YWHAQ: variants seen among roughly 807,000 people sequenced by gnomAD.
YWHAQ encodes tyrosine 3-monooxygenase/tryptophan 5-monooxygenase activation protein theta, also known as 14-3-3 protein theta.
Under a neutral mutation model 28.3 loss-of-function variants are expected in YWHAQ, and 6 were observed. The ratio of observed to expected loss-of-function variants is 0.21; its 90% CI spans 0.12 to 0.42. YWHAQ has a LOEUF of 0.42. Among genes scored for constraint, YWHAQ ranks in the 10% least tolerant of loss-of-function variants. YWHAQ has a pLI of 1.00. For missense variants in YWHAQ, 201 were observed against 305.6 expected (o/e 0.66, Z 2.55); for synonymous variants, 143 against 119.1 (o/e 1.20, Z -1.31).
intron 3 of YWHAQ, among the ~76,000 whole-genome samples, chr2:9,589,041 G>A (rs773322789): frequency 2.6e-5 from 4 of 151,926 alleles, no homozygotes; most frequent in Non-Finnish European, 5.9e-5. Flanking sequence ...AGGACCCCTT[G>A]AGCCCAGGAG....
chr2:9,616,169 T>C (rs115913656), intron 2 of YWHAQ, among the ~76,000 whole-genome samples: 414 of 152,218 alleles, frequency 2.7e-3, no homozygotes, highest in Admixed American at 6.5e-3. Context: ...CCCAATTAGA[T>C]CTGATTATAT....
chr2:9,619,046 T>C (rs1002249513), intron 2 of YWHAQ, among the ~76,000 whole-genome samples: 7 of 152,212 alleles, frequency 4.6e-5, no homozygotes, highest in Non-Finnish European at 8.8e-5. Context: ...ACTAATAATC[T>C]TAGTAGGTCC....
intron 2 of YWHAQ, among the ~76,000 whole-genome samples, chr2:9,618,178 G>C (rs1667071964): frequency 6.6e-6 from 1 of 152,138 alleles, no homozygotes; most frequent in Non-Finnish European, 1.5e-5. Flanking sequence ...AATTAATAAT[G>C]ATGGCTGCAC....
chr2:9,602,862 A>AAAAAATATATATATATATAT (rs1666739720), intron 2 of YWHAQ, among the ~76,000 whole-genome samples: 1 of 20,872 alleles, frequency 4.8e-5, no homozygotes, highest in African/African-American at 2.1e-4. Flanking sequence ...AAAAAAAAAA[A>AAAAAATATATATATATATAT]ATATATATAT....
intron 2 of YWHAQ, among the ~76,000 whole-genome samples, chr2:9,613,698 T>C (rs1009123821): frequency 6.6e-6 from 1 of 152,208 alleles, no homozygotes; most frequent in Non-Finnish European, 1.5e-5. Context: ...CAAAATTACA[T>C]ACAGTAATAT....
intron 2 of YWHAQ, among the ~76,000 whole-genome samples, chr2:9,599,102 A>G (rs1666636205): frequency 1.3e-5 from 2 of 152,238 alleles, no homozygotes; most frequent in African/African-American, 4.8e-5. Flanking sequence ...TCTGAATAGA[A>G]GCTGAGGCCA....
rs181514065 is a variant in YWHAQ at position 9,604,798 on chromosome 2, C to G, written c.295-13283G>C. On this transcript the variant is annotated intron_variant, in intron 2 of 5. Transcript: ENST00000238081. ...GCGATGGTTATAATAAAAAAAAATT[C>G]TCCAGTTTTAAGAATCTACAGTAAT... Among the ~76,000 whole-genome samples the G allele has an allele frequency of 1.5e-3, 225 of 152,274 alleles. 1 individual carries two copies. The highest frequency in any genetic ancestry group is 5.2e-3 in the African/African-American group (218 of 41,558).
At chr2:9,616,791 G>C (rs1667049439) in intron 2 of YWHAQ, among the ~76,000 whole-genome samples, 1 of 152,178 alleles carries the variant, frequency 6.6e-6, no homozygotes, top group Middle Eastern at 3.2e-3. Context: ...AGCCACTTCG[G>C]AAAACAATCT....
chr2:9,613,892 G>A (rs1421864368), intron 2 of YWHAQ, among the ~76,000 whole-genome samples: 1 of 152,194 alleles, frequency 6.6e-6, no homozygotes, highest in Non-Finnish European at 1.5e-5. Context: ...GACTGCAGTG[G>A]TGAAGATACC....
chr2:9,593,898 T>TATAAA (rs1553372565), intron 2 of YWHAQ, among the ~76,000 whole-genome samples: 318 of 121,486 alleles, frequency 2.6e-3, no homozygotes, highest in African/African-American at 9.6e-3. Context: ...TTAAATAGAT[T>TATAAA]AAAAAAAATA....
At chr2:9,608,548 G>A (rs1256630144) in intron 2 of YWHAQ, among the ~76,000 whole-genome samples, 2 of 152,168 alleles carry the variant, frequency 1.3e-5, no homozygotes, top group African/African-American at 4.8e-5. Flanking sequence ...AAATGGGCTG[G>A]AGCACAGTGT....
At chr2:9,601,857 A>C (rs1250765999) in intron 2 of YWHAQ, among the ~76,000 whole-genome samples, 1 of 152,138 alleles carries the variant, frequency 6.6e-6, no homozygotes, top group East Asian at 1.9e-4. Context: ...TGTGTTGGCC[A>C]GGGTGGTCTC....
chr2:9,605,778 G>T (rs1233968857), intron 2 of YWHAQ, among the ~76,000 whole-genome samples: 3 of 149,402 alleles, frequency 2.0e-5, no homozygotes, highest in African/African-American at 7.3e-5. Flanking sequence ...GGCCAGGCTG[G>T]TCTCCAACTC....
At chr2:9,622,014 C>T (rs1215666506) in intron 2 of YWHAQ, among the ~76,000 whole-genome samples, 1 of 152,028 alleles carries the variant, frequency 6.6e-6, no homozygotes, top group Non-Finnish European at 1.5e-5. Context: ...AGGAGGGGAA[C>T]ATCACACAGC....
rs746680124 is a variant in YWHAQ at position 9,587,383 on chromosome 2, G to T, written c.678+31C>A. The T allele has an allele frequency of 1.9e-6, 3 of 1,567,436 alleles. No individual in the cohort carries two copies. In the African/African-American group the frequency reaches 4.1e-5, roughly 22 times the overall value. The stretch of plus-strand genomic sequence containing the variant: ...ATATAAATACTTTTGTTTCTGAAAA[G>T]AAAATAAAATTAAAAGAGTAAACAA... On this transcript the variant is annotated intron_variant, in intron 5 of 5. Transcript: ENST00000238081.
chr2:9,610,659 C>T (rs950548182), intron 2 of YWHAQ, among the ~76,000 whole-genome samples: 1 of 152,106 alleles, frequency 6.6e-6, no homozygotes, highest in African/African-American at 2.4e-5. Flanking sequence ...CAGGCATGCG[C>T]CACCATGCCC....
At chr2:9,622,330 C>T (rs1235132649) in intron 2 of YWHAQ, among the ~76,000 whole-genome samples, 4 of 152,122 alleles carry the variant, frequency 2.6e-5, no homozygotes, top group Non-Finnish European at 5.9e-5. Context: ...GAATCACATA[C>T]ACTATGTACT....
intron 2 of YWHAQ, among the ~76,000 whole-genome samples, chr2:9,620,869 A>G (rs1667128559): frequency 6.6e-6 from 1 of 152,164 alleles, no homozygotes; most frequent in Admixed American, 6.5e-5. Context: ...AAACTGCTCA[A>G]TCACCCAAAC....
At chr2:9,588,403 A>G (rs1466450233) in intron 3 of YWHAQ, 75 bp from the exon 4 acceptor site, 1 of 1,503,576 alleles carries the variant, frequency 6.7e-7, no homozygotes, top group Non-Finnish European at 8.9e-7. Context: ...CAACTTGAAC[A>G]TATGCTACTA....
Sources: gnomAD v4.1 joint callset for allele counts (sites outside exome capture counted in the v4.1 genomes callset) on GRCh38, gnomAD v4.1.1 for gene constraint, MANE v1.5 for transcripts, NCBI Gene and HGNC (gene_info 2026-07-23, HGNC 2026-07-21) for gene names.